PLA2G5: variants seen among roughly 807,000 people sequenced by gnomAD.
PLA2G5 encodes the protein Ca2+-dependent phospholipase A2.
PLA2G5 carries 12 observed loss-of-function variants against 15.9 expected under a neutral mutation model. That is an observed-to-expected ratio of 0.76 (90% CI 0.48 to 1.23). PLA2G5 has a LOEUF of 1.23. Among genes scored for constraint, PLA2G5 ranks in the 50% most tolerant of loss-of-function variants. The pLI is 0.00. For synonymous variants in PLA2G5, 71 were observed against 71.4 expected (o/e 0.99, Z 0.03); for missense variants, 169 against 177.1 (o/e 0.95, Z 0.26).
chr1:20,086,238 C>T lies in PLA2G5; in HGVS notation c.185+11C>T, dbSNP rs756674976. The T allele has an allele frequency of 7.4e-5, 119 of 1,613,634 alleles. No homozygotes were observed. Among genetic ancestry groups the T allele is most frequent in the Non-Finnish European group, 9.5e-5 (112 of 1,179,724 alleles). On this transcript the variant is annotated intron_variant, in intron 3 of 4. Transcript: ENST00000375108. ...GGATGGCACCGATTGGTGAGCTGAT[C>T]GCTATAACTGCCCTTTAGGCTCCAG...
chr1:20,040,489 T>C (rs1264850185), intron 1 of PLA2G5, among the ~76,000 whole-genome samples: 19 of 152,128 alleles, frequency 1.2e-4, no homozygotes. Context: ...TTCTTTTTCC[T>C]TTTTCTCAAA....
intron 1 of PLA2G5, among the ~76,000 whole-genome samples, chr1:20,052,690 T>C (rs1412076064): frequency 1.3e-5 from 2 of 152,106 alleles, no homozygotes; most frequent in Non-Finnish European, 2.9e-5. Context: ...TAAAATTCTT[T>C]CTCCAAACTA....
upstream of PLA2G5, among the ~76,000 whole-genome samples, chr1:20,066,810 C>T (rs190379825): frequency 9.9e-5 from 15 of 152,208 alleles, no homozygotes; most frequent in East Asian, 9.7e-4. Context: ...AGTTCCAAAA[C>T]AGCCAGAGCA....
chr1:20,034,693 G>A (rs572757277), intron 1 of PLA2G5, among the ~76,000 whole-genome samples: 1 of 152,252 alleles, frequency 6.6e-6, no homozygotes, highest in East Asian at 1.9e-4. Context: ...TATTTTGACT[G>A]GGATGTGATG....
At chr1:20,073,356 G>A (rs921524022) in intron 1 of PLA2G5, among the ~76,000 whole-genome samples, 20 of 152,182 alleles carry the variant, frequency 1.3e-4, no homozygotes, top group Non-Finnish European at 2.9e-4. Flanking sequence ...CTTAGCCAAA[G>A]TTATGGTGAA....
chr1:20,062,424 C>A (rs548723521), intron 2 of PLA2G5, among the ~76,000 whole-genome samples: 72 of 152,294 alleles, frequency 4.7e-4, no homozygotes, highest in African/African-American at 1.7e-3. Context: ...TGAGCAGGGA[C>A]ATCCTCTGAG....
chr1:20,061,464 T>C (rs916848208), intron 2 of PLA2G5, among the ~76,000 whole-genome samples: 3 of 151,864 alleles, frequency 2.0e-5, no homozygotes, highest in Non-Finnish European at 2.9e-5. Context: ...CACACATCTG[T>C]AGTCCCAACT....
intron 2 of PLA2G5, among the ~76,000 whole-genome samples, chr1:20,085,452 A>G (rs1412287622): frequency 2.0e-5 from 3 of 152,180 alleles, no homozygotes; most frequent in Non-Finnish European, 4.4e-5. Flanking sequence ...CCTTGGGCTC[A>G]CTGTGAAACC....
At chr1:20,040,598 AC>A (rs2013534975) in intron 1 of PLA2G5, among the ~76,000 whole-genome samples, 5 of 152,150 alleles carry the variant, frequency 3.3e-5, no homozygotes, top group African/African-American at 9.6e-5. Flanking sequence ...ACACACACAC[AC>A]ACACACAAAC....
intron 2 of PLA2G5, among the ~76,000 whole-genome samples, chr1:20,063,305 G>A (rs1327938248): frequency 2.6e-5 from 4 of 152,158 alleles, no homozygotes; most frequent in South Asian, 2.1e-4. Context: ...TTTTTCAGTC[G>A]ACTTTCTGAG....
At chr1:20,056,265 A>G (rs1004419233) in intron 1 of PLA2G5, among the ~76,000 whole-genome samples, 2 of 151,852 alleles carry the variant, frequency 1.3e-5, no homozygotes, top group Admixed American at 1.3e-4. Flanking sequence ...AGATCCACTC[A>G]GAGTGTGGCA....
At chr1:20,040,103 A>T (rs1433983542) in intron 1 of PLA2G5, among the ~76,000 whole-genome samples, 1 of 152,186 alleles carries the variant, frequency 6.6e-6, no homozygotes, top group East Asian at 1.9e-4. Context: ...ACAAACAAAA[A>T]ACTGTCCTTC....
intron 1 of PLA2G5, among the ~76,000 whole-genome samples, chr1:20,044,823 G>A (rs1249535721): frequency 6.6e-6 from 1 of 152,066 alleles, no homozygotes; most frequent in East Asian, 1.9e-4. Flanking sequence ...GCAGTCTAGG[G>A]AGGAGGGGAG....
chr1:20,064,675 T>C (rs566728), intron 2 of PLA2G5, among the ~76,000 whole-genome samples: 127,893 of 152,128 alleles, frequency 0.84, 53,805 homozygotes, highest in East Asian at 0.93. Flanking sequence ...GGGAGGATTG[T>C]TTGAGGCCAG....
intron 1 of PLA2G5, among the ~76,000 whole-genome samples, chr1:20,045,792 T>G (rs1025155332): frequency 3.3e-5 from 5 of 152,200 alleles, no homozygotes; most frequent in Non-Finnish European, 7.3e-5. Flanking sequence ...ATGTCATGCG[T>G]GTCCATGTGC....
At chr1:20,039,902 G>A (rs934479750) in intron 1 of PLA2G5, among the ~76,000 whole-genome samples, 3 of 152,130 alleles carry the variant, frequency 2.0e-5, no homozygotes, top group African/African-American at 7.2e-5. Context: ...ATTTGACCCT[G>A]TGGGCCATAA....
chr1:20,041,904 C>T (rs893515288), intron 1 of PLA2G5, among the ~76,000 whole-genome samples: 3 of 152,138 alleles, frequency 2.0e-5, no homozygotes, highest in African/African-American at 7.2e-5. Context: ...TAAGCATTGG[C>T]CTGAGCAATG....
intron 1 of PLA2G5, among the ~76,000 whole-genome samples, chr1:20,041,246 C>A (rs150239737): frequency 1.7e-4 from 26 of 152,100 alleles, no homozygotes; most frequent in Non-Finnish European, 2.8e-4. Context: ...ATCAATAGAA[C>A]AATTTGCTGA....
chr1:20,034,521 G>A (rs2013140584), intron 1 of PLA2G5, among the ~76,000 whole-genome samples: 1 of 152,134 alleles, frequency 6.6e-6, no homozygotes, highest in African/African-American at 2.4e-5. Flanking sequence ...AGACCCATCT[G>A]GTTTTTTTGA....
Sources: gnomAD v4.1 joint callset for allele counts (sites outside exome capture counted in the v4.1 genomes callset) on GRCh38, gnomAD v4.1.1 for gene constraint, MANE v1.5 for transcripts, NCBI Gene and HGNC (gene_info 2026-07-23, HGNC 2026-07-21) for gene names.